The following SCUBE1 variants were observed in gnomAD, a reference collection of about 807,000 sequenced individuals.
SCUBE1 encodes signal peptide, CUB domain and EGF like domain containing 1, also known as signal peptide, CUB and EGF-like domain-containing protein 1.
A neutral mutation model predicts 124.4 loss-of-function variants in SCUBE1; 59 were observed. That is an observed-to-expected ratio of 0.47 (90% CI 0.38 to 0.59). SCUBE1 has a LOEUF of 0.59. SCUBE1 is among the 20% of genes least tolerant of loss of function. The pLI, the probability that SCUBE1 is intolerant of heterozygous loss-of-function variation, is 0.00. For missense variants in SCUBE1, 1,150 were observed against 1,371.2 expected (o/e 0.84, Z 2.55); for synonymous variants, 545 against 550.9 (o/e 0.99, Z 0.15).
chr22:43,213,986 G>T, intron 16 of SCUBE1, 104 bp downstream of exon 16: 1 of 1,159,118 alleles, frequency 8.6e-7, no homozygotes. Flanking sequence ...CACACTCTCT[G>T]GCCACACCAG....
At chr22:43,289,841 T>C (rs1454229787) in intron 4 of SCUBE1, among the ~76,000 whole-genome samples, 1 of 152,236 alleles carries the variant, frequency 6.6e-6, no homozygotes, top group Non-Finnish European at 1.5e-5. Flanking sequence ...CCGGCTGGCC[T>C]GGAGCCCAGT....
chr22:43,238,037 T>C (rs1322185653), intron 7 of SCUBE1: 1 of 152,472 alleles, frequency 6.6e-6, no homozygotes, highest in East Asian at 1.9e-4. Context: ...GACCTCCTCA[T>C]CTGCAGGGCT....
intron 2 of SCUBE1, among the ~76,000 whole-genome samples, chr22:43,320,888 C>T (rs965524632): frequency 6.6e-5 from 10 of 152,212 alleles, no homozygotes; most frequent in African/African-American, 2.4e-4. Context: ...GCCCAAGGGG[C>T]CTAACCCCGG....
chr22:43,284,368 T>C (rs1925047119), intron 4 of SCUBE1, among the ~76,000 whole-genome samples: 1 of 152,204 alleles, frequency 6.6e-6, no homozygotes, highest in African/African-American at 2.4e-5. Flanking sequence ...AAGATGTCTT[T>C]TGAACTCTAG....
At position 43,275,099 on chromosome 22, in the gene SCUBE1, C is replaced by T. The variant is rs531332010; in HGVS notation, c.485-12254G>A. ...GGCGCTCTGTGATGTGGAGGCGAGGCTGGGCAGCGGGAGGGAAAGGTGTTC... is the reference window on the plus strand; with the variant it reads ...GGCGCTCTGTGATGTGGAGGCGAGGTTGGGCAGCGGGAGGGAAAGGTGTTC... On this transcript the variant is annotated intron_variant, in intron 4 of 21. Transcript: ENST00000360835. Among the ~76,000 whole-genome samples, 11 of 152,300 alleles carry T rather than the reference C, an allele frequency of 7.2e-5. No individual in the cohort carries two copies. In the South Asian group the frequency reaches 2.1e-3, roughly 29 times the overall value.
At chr22:43,223,239 G>A (rs777800941) in intron 10 of SCUBE1, 23 bp from the exon 11 acceptor site, 2 of 1,557,224 alleles carry the variant, frequency 1.3e-6, no homozygotes, top group Non-Finnish European at 1.7e-6. Context: ...ATACGAGAGA[G>A]GGCTGAGAGA....
chr22:43,229,077 C>T lies in SCUBE1; in HGVS notation c.1079G>A (p.Cys360Tyr). The stretch of plus-strand genomic sequence containing the variant: ...CTGGCGGGCAGGCTGCAGACCTCCG[C>T]AGTGGGTTGTCCCGTAGAGGATGTA... ...RGYILYGTTH[C>Y]GDVDECSMSN... The change falls in exon 9 of 22, where the codon TGC becomes TAC. Residue 360 changes from cysteine to tyrosine, a missense_variant. By Grantham distance (194) the Cys-to-Tyr change is radical (BLOSUM62 -2). Transcript: ENST00000360835. 1 of 1,611,412 alleles carries T rather than the reference C, an allele frequency of 6.2e-7. No homozygotes were observed. Among genetic ancestry groups the T allele is most frequent in the Non-Finnish European group, 8.5e-7 (1 of 1,178,824 alleles).
At chr22:43,277,342 G>C (rs1036158786) in intron 4 of SCUBE1, among the ~76,000 whole-genome samples, 7 of 152,076 alleles carry the variant, frequency 4.6e-5, no homozygotes, top group African/African-American at 1.7e-4. Flanking sequence ...CCAGAGGGTT[G>C]GGCAGAGCAG....
intron 2 of SCUBE1, among the ~76,000 whole-genome samples, chr22:43,324,585 G>A (rs1926659836): frequency 6.6e-6 from 1 of 152,102 alleles, no homozygotes; most frequent in Non-Finnish European, 1.5e-5. Context: ...ATACTTAAGA[G>A]ATAAACACAC....
chr22:43,276,395 C>A (rs764671088), intron 4 of SCUBE1, among the ~76,000 whole-genome samples: 52 of 152,176 alleles, frequency 3.4e-4, no homozygotes, highest in Non-Finnish European at 6.9e-4. Context: ...AATCAAGCAG[C>A]CACCAGGCCG....
intron 4 of SCUBE1, among the ~76,000 whole-genome samples, chr22:43,273,728 A>G (rs1924386039): frequency 6.6e-6 from 1 of 151,156 alleles, no homozygotes; most frequent in South Asian, 2.1e-4. Context: ...GTGCGCTACC[A>G]CACCTGACTA....
At chr22:43,314,367 G>A (rs1926269911) in intron 3 of SCUBE1, among the ~76,000 whole-genome samples, 2 of 152,210 alleles carry the variant, frequency 1.3e-5, no homozygotes, top group African/African-American at 4.8e-5. Context: ...CAGCTGCGGT[G>A]TAGTTCACTC....
chr22:43,314,256 C>A (rs1286342182), intron 3 of SCUBE1, among the ~76,000 whole-genome samples: 1 of 152,166 alleles, frequency 6.6e-6, no homozygotes, highest in Non-Finnish European at 1.5e-5. Flanking sequence ...CCAGGCAGCA[C>A]AATTTCAAGC....
chr22:43,207,611 C>T lies in SCUBE1; in HGVS notation c.2737G>A (p.Asp913Asn). ...FQVPYVTYDE[D>N]YQQLIEDIVR... ...ATGTCCTCTATGAGTTGCTGGTAGT[C>T]CTCTGGGCAGCGGGTCAGCAGGGGG... The change falls in exon 21 of 22, where the codon GAC (aspartate) becomes AAC (asparagine). Residue 913 changes from aspartate to asparagine, a missense_variant and splice_region_variant. This residue lies in a region of SCUBE1 where 757 missense variants were observed against 840.9 expected (regional missense o/e 0.90). Transcript: ENST00000360835. The T allele has an allele frequency of 1.2e-6, 2 of 1,613,694 alleles. No individual in the cohort carries two copies. Among genetic ancestry groups the T allele is most frequent in the Non-Finnish European group, 1.7e-6 (2 of 1,179,670 alleles).
rs928011350 is a variant in SCUBE1, at chr22:43,326,341, C to T, written c.221-6276G>A. 4.6e-5 allele frequency among the ~76,000 whole-genome samples: 7 copies of T among 152,162 alleles called. No homozygotes were observed. The South Asian group carries it at 8.3e-4, about 18-fold the overall frequency. On this transcript the variant is annotated intron_variant, in intron 2 of 21. Transcript: ENST00000360835. ...GCCCTCCTTAGATCAGGCAACCATT[C>T]GGGGAGAGATGTATGGCTTAGGAAG...
chr22:43,281,418 TCCTCCTGTCACCTCCCTTGGC>T (rs1924844089), intron 4 of SCUBE1, among the ~76,000 whole-genome samples: 6 of 76,202 alleles, frequency 7.9e-5, no homozygotes, highest in Admixed American at 4.7e-4. Flanking sequence ...CCCTCAGCCA[TCCTCCTGTCACCTCCCTTGGC>T]CACCCTCCTG....
intron 4 of SCUBE1, among the ~76,000 whole-genome samples, chr22:43,281,382 TCTC>T (rs1256206229): frequency 3.1e-5 from 2 of 64,002 alleles, no homozygotes; most frequent in Admixed American, 1.3e-4. Context: ...CCTTCTGTCA[TCTC>T]CTCCTCAGCT....
intron 2 of SCUBE1, among the ~76,000 whole-genome samples, chr22:43,327,800 T>C (rs1926775653): frequency 6.6e-6 from 1 of 151,996 alleles, no homozygotes; most frequent in East Asian, 1.9e-4. Flanking sequence ...TAAAATAAAA[T>C]AAAATAAATT....
At chr22:43,206,997 C>T (rs779313395) in intron 21 of SCUBE1, among the ~76,000 whole-genome samples, 3 of 152,178 alleles carry the variant, frequency 2.0e-5, no homozygotes, top group Non-Finnish European at 4.4e-5. Flanking sequence ...CCTTGTCCTC[C>T]ACACCCCGGG....
Sources: gnomAD v4.1 joint callset for allele counts (sites outside exome capture counted in the v4.1 genomes callset) on GRCh38, gnomAD v4.1.1 for gene constraint, gnomAD v4.1.1 regional missense constraint, MANE v1.5 for transcripts, NCBI Gene and HGNC (gene_info 2026-07-23, HGNC 2026-07-21) for gene names.